Variants in GTF3C1 observed in about 807,000 individuals in gnomAD.
GTF3C1 encodes the protein general transcription factor 3C polypeptide 1.
Under a neutral mutation model 226.7 loss-of-function variants are expected in GTF3C1, and 57 were observed. The ratio of observed to expected loss-of-function variants is 0.25; its 90% confidence interval spans 0.20 to 0.31. GTF3C1 has a LOEUF of 0.31. GTF3C1 is among the 10% of genes least tolerant of loss of function. GTF3C1 has a pLI of 1.00. For missense variants in GTF3C1, 2,217 were observed against 2,776.1 expected, an observed-to-expected ratio of 0.80 and a Z score of 4.53; for synonymous variants, 1,090 against 1,084.8, an observed-to-expected ratio of 1.00 and a Z score of -0.09.
chr16:27,490,879 C>T (rs1376797988), intron 19 of GTF3C1, among the ~76,000 whole-genome samples: 2 of 152,136 alleles, frequency 1.3e-5, no homozygotes, highest in Non-Finnish European at 2.9e-5. Flanking sequence ...ACAATCAATG[C>T]CTGATTACTG....
In GTF3C1 at chr16:27,488,959, TTG is replaced by T. The variant is rs202201361; in HGVS notation, c.3429+82_3429+83del. ...CTTCAATACAAACGGAAGCCAGTATTTGTGTCTCTGGTCAGGCAGGGAGGGAC... is the reference window on the plus strand; with the variant it reads ...CTTCAATACAAACGGAAGCCAGTATTTGTCTCTGGTCAGGCAGGGAGGGAC... On this transcript the variant is annotated intron_variant, in intron 21 of 36. Coordinates refer to ENST00000356183, the MANE Select transcript of GTF3C1 (RefSeq NM_001520.4). The T allele has an allele frequency of 1.4e-3, 1,842 of 1,279,634 alleles. 22 individuals are homozygous for T. The African/African-American group carries it at 0.024, about 17-fold the overall frequency. 79.3% of individuals were successfully genotyped at this position (1,279,634 alleles called of 1,614,324 possible).
At chr16:27,516,076 C>A (rs945771423) in intron 6 of GTF3C1, among the ~76,000 whole-genome samples, 1 of 152,206 alleles carries the variant, frequency 6.6e-6, no homozygotes, top group Admixed American at 6.5e-5. Context: ...AACAGTACCA[C>A]CAGCACCTAG....
intron 1 of GTF3C1, among the ~76,000 whole-genome samples, chr16:27,546,519 T>C (rs1279331895): frequency 6.8e-6 from 1 of 147,266 alleles, no homozygotes. Context: ...TATATATATA[T>C]ATAATTTTTT....
intron 2 of GTF3C1, among the ~76,000 whole-genome samples, chr16:27,542,553 C>A (rs1235686607): frequency 6.6e-6 from 1 of 150,840 alleles, no homozygotes; most frequent in Admixed American, 6.7e-5. Flanking sequence ...AAGAGCAAAA[C>A]CCCGCCTCAA....
In GTF3C1 at chr16:27,507,079, G is replaced by A; in HGVS notation, c.1320C>T (p.Ser440=). ...SCVFAEESDL[S]RQYQREKARS... The stretch of plus-strand genomic sequence containing the variant: ...GGGCCTTCTCTCTTTGGTACTGCCG[G>A]CTTAGGTCGCTCTCCTCTGCAAACA... The change falls in exon 9 of 37, where the codon AGC becomes AGT. Residue 440 remains serine, a synonymous_variant. Transcript: ENST00000356183. The surrounding 1 kb of genome is among the most constrained non-coding windows in gnomAD (Gnocchi z 4.9). The A allele has an allele frequency of 6.2e-7, 1 of 1,613,682 alleles. No individual in the cohort carries two copies. Among genetic ancestry groups the A allele is most frequent in the South Asian group, 1.1e-5 (1 of 91,072 alleles).
rs1457755451 is a variant in GTF3C1 at position 27,549,750 on chromosome 16, G to T, written c.141C>A (p.Leu47=). Residue 47 remains leucine, a synonymous_variant, in exon 1 of 37, where the codon CTC becomes CTA. Transcript: ENST00000356183. ...CCGGGTGCGTGGCGAGGGCCCGCCA[G>T]AGAAACTCCTGCGTGCAGGGTTCCA... ...LPLEPCTQEF[L]WRALATHPGI... 1 of 1,612,376 alleles carries T rather than the reference G, an allele frequency of 6.2e-7. No individual in the cohort carries two copies.
chr16:27,492,706 T>G lies in GTF3C1; in HGVS notation c.2884A>C (p.Ile962Leu). ...TGAAGGTTCTCCACCACCGAAAAAA[T>G]GTAACGCCTAGAAAACAGAGGGGGC... Reference protein sequence around the residue: ...RQQLLYKRRYIFSVVENLQRL... With the variant: ...RQQLLYKRRYLFSVVENLQRL... Residue 962 changes from isoleucine (I) to leucine (L), a missense_variant, in exon 18 of 37, where the codon ATT becomes CTT. Physicochemically the swap from Ile to Leu is conservative, Grantham distance 5 (BLOSUM62 2). This residue lies in a region of GTF3C1 where 353 missense variants were observed against 411.7 expected (regional missense o/e 0.86). Transcript: ENST00000356183. The surrounding 1 kb of genome is among the most constrained non-coding windows in gnomAD (Gnocchi z 5.0). 6.4e-7 allele frequency: 1 copy of G among 1,574,504 alleles called. No homozygotes were observed. The highest frequency in any genetic ancestry group is 8.7e-7 in the Non-Finnish European group (1 of 1,144,392).
intron 6 of GTF3C1, 144 bp from the exon 7 acceptor site, chr16:27,512,045 T>C: frequency 2.4e-6 from 2 of 848,538 alleles, no homozygotes; most frequent in Non-Finnish European, 3.6e-6. Flanking sequence ...TCTGGACTTT[T>C]AAAAATGGCT....
chr16:27,510,287 G>A (rs1332680094), intron 7 of GTF3C1, among the ~76,000 whole-genome samples: 1 of 152,120 alleles, frequency 6.6e-6, no homozygotes, highest in Non-Finnish European at 1.5e-5. Context: ...TCGGGAGGCT[G>A]AGGCAGGAGA....
chr16:27,464,097 C>G (rs1308435449), intron 34 of GTF3C1: 1 of 443,938 alleles, frequency 2.3e-6, no homozygotes, highest in Non-Finnish European at 3.9e-6. Flanking sequence ...CTCTGGAACT[C>G]ACAGTGCTGC....
intron 6 of GTF3C1, among the ~76,000 whole-genome samples, chr16:27,526,044 T>C (rs2088829034): frequency 6.6e-6 from 1 of 152,190 alleles, no homozygotes; most frequent in Admixed American, 6.5e-5. Flanking sequence ...AGGGAGAAGT[T>C]ACCATCAGGT....
intron 24 of GTF3C1, 80 bp from the exon 25 acceptor site, chr16:27,484,433 CA>C (rs745667240): frequency 1.2e-5 from 12 of 1,017,124 alleles, no homozygotes; most frequent in Non-Finnish European, 1.5e-5. Context: ...AAAAAGTGGA[CA>C]AAATGTGTTT....
chr16:27,500,565 G>A (rs2088390191), intron 12 of GTF3C1, among the ~76,000 whole-genome samples: 1 of 152,220 alleles, frequency 6.6e-6, no homozygotes, highest in African/African-American at 2.4e-5. Flanking sequence ...GAAATTACGA[G>A]TGACTGTCCC....
intron 2 of GTF3C1, among the ~76,000 whole-genome samples, chr16:27,543,342 T>C (rs897335654): frequency 6.6e-6 from 1 of 152,092 alleles, no homozygotes; most frequent in Non-Finnish European, 1.5e-5. Flanking sequence ...ACCGAGACTG[T>C]GCCACTGTAC....
Position 27,462,248 on chromosome 16 carries a change from C to T in GTF3C1, c.6117+46G>A, listed in dbSNP as rs1166091099. 7.2e-7 allele frequency: 1 copy of T among 1,398,560 alleles called. No homozygotes were observed. The highest frequency in any genetic ancestry group is 2.5e-5 in the East Asian group (1 of 40,048). The allele number at this position is 1,398,560 out of a possible 1,614,324, so 86.6% of individuals were successfully genotyped here. On this transcript the variant is annotated intron_variant, in intron 36 of 36. Coordinates refer to ENST00000356183, the MANE Select transcript of GTF3C1 (RefSeq NM_001520.4). This position sits in a 1 kb window ranked among gnomAD's most constrained non-coding sequence, Gnocchi z 4.5. ...AACATCACAGCCGGGCCACTGAGTG[C>T]ACCCAGCCGCCTCCACACCCTGCTG...
intron 27 of GTF3C1, among the ~76,000 whole-genome samples, chr16:27,478,948 C>T (rs577133578): frequency 6.6e-6 from 1 of 150,920 alleles, no homozygotes; most frequent in East Asian, 1.9e-4. Flanking sequence ...TTCCCAGAGG[C>T]TGGGAAGTGG....
Position 27,469,678 on chromosome 16 carries a change from T to C in GTF3C1, c.4815-128A>G. The C allele has an allele frequency of 2.9e-6, 3 of 1,023,570 alleles. No individual in the cohort carries two copies. The highest frequency in any genetic ancestry group is 4.4e-6 in the Non-Finnish European group (3 of 689,074). 63.4% of individuals were successfully genotyped at this position (1,023,570 alleles called of 1,614,324 possible). ...GGCCCCAGCAACTGGCTATGCTTCA[T>C]TACCAAGGCTGGTGTGGATGGCTGC... On this transcript the variant is annotated intron_variant, in intron 31 of 36. Coordinates refer to ENST00000356183, the MANE Select transcript of GTF3C1 (RefSeq NM_001520.4). The surrounding 1 kb of genome is among the most constrained non-coding windows in gnomAD (Gnocchi z 4.5).
chr16:27,547,621 G>A (rs1363466288), intron 1 of GTF3C1, among the ~76,000 whole-genome samples: 1 of 152,070 alleles, frequency 6.6e-6, no homozygotes, highest in Non-Finnish European at 1.5e-5. Context: ...TTTGCCCCTA[G>A]TCTGACCCTC....
At chr16:27,464,016 G>A (rs1396080533) in intron 34 of GTF3C1, 1 of 436,550 alleles carries the variant, frequency 2.3e-6, no homozygotes, top group Non-Finnish European at 4.0e-6. Flanking sequence ...AGGAAGTTGA[G>A]ACCCCCATGC....
Sources: gnomAD v4.1 joint callset for allele counts (sites outside exome capture counted in the v4.1 genomes callset) on GRCh38, gnomAD v4.1.1 for gene constraint, gnomAD v4.1.1 regional missense constraint, Gnocchi (gnomAD v3.1) non-coding constraint, MANE v1.5 for transcripts, NCBI Gene and HGNC (gene_info 2026-07-23, HGNC 2026-07-21) for gene names.